NPAS2: variants seen among roughly 807,000 people sequenced by gnomAD.
NPAS2 encodes neuronal PAS domain protein 2.
A neutral mutation model predicts 107.5 loss-of-function variants in NPAS2; 23 were observed. The ratio of observed to expected loss-of-function variants is 0.21; its 90% CI spans 0.15 to 0.30. NPAS2 has a LOEUF of 0.30. Among genes scored for constraint, NPAS2 ranks in the 10% least tolerant of loss-of-function variants. NPAS2 has a pLI of 1.00. For synonymous variants in NPAS2, 403 were observed against 417.5 expected (o/e 0.97, Z 0.42); for missense variants, 756 against 1,043.3 (o/e 0.72, Z 3.79).
At chr2:100,859,453 A>G (rs1678797998) in intron 1 of NPAS2, among the ~76,000 whole-genome samples, 1 of 152,196 alleles carries the variant, frequency 6.6e-6, no homozygotes, top group South Asian at 2.1e-4. Flanking sequence ...TGGGCATTAA[A>G]TGGATAATCA....
intron 7 of NPAS2, among the ~76,000 whole-genome samples, chr2:100,963,265 C>T (rs2105145494): frequency 6.6e-6 from 1 of 152,342 alleles, no homozygotes; most frequent in Non-Finnish European, 1.5e-5. Flanking sequence ...GTCAATGATG[C>T]CGAGACACCC....
intron 5 of NPAS2, among the ~76,000 whole-genome samples, chr2:100,947,722 T>C (rs1185166899): frequency 6.6e-6 from 1 of 152,178 alleles, no homozygotes; most frequent in Non-Finnish European, 1.5e-5. Flanking sequence ...CTCTACCTTG[T>C]ATTTATTTTG....
rs371143741 is a variant in NPAS2 at position 100,974,883 on chromosome 2, G to A, written c.1221G>A (p.Ser407=). Residue 407 remains serine, a synonymous_variant, in exon 13 of 21, where the codon TCG becomes TCA. Coordinates refer to ENST00000335681, the MANE Select transcript of NPAS2 (RefSeq NM_002518.4). ...CCTCGGGCCTTAATACCAGTCATTC[G>A]CCATCGGCGTCCTCAAGAAGTTCCC... The part of the protein sequence containing the change: ...VGASGLNTSH[S]PSASSRSSHK... 8 of 1,613,902 alleles carry A rather than the reference G, an allele frequency of 5.0e-6. No homozygotes were observed. Among genetic ancestry groups the A allele is most frequent in the African/African-American group, 4.0e-5 (3 of 74,898 alleles).
At chr2:100,917,002 TG>T (rs1373123663) in intron 2 of NPAS2, among the ~76,000 whole-genome samples, 2 of 152,132 alleles carry the variant, frequency 1.3e-5, no homozygotes, top group Non-Finnish European at 2.9e-5. Context: ...TCAAAATTAG[TG>T]GGTTGCCGCT....
chr2:100,927,378 T>C (rs1683648656), intron 3 of NPAS2, among the ~76,000 whole-genome samples: 1 of 152,272 alleles, frequency 6.6e-6, no homozygotes, highest in Non-Finnish European at 1.5e-5. Context: ...CCATTCTTTT[T>C]CTAACTTTGT....
intron 1 of NPAS2, among the ~76,000 whole-genome samples, chr2:100,833,305 G>A (rs1676860158): frequency 6.6e-6 from 1 of 152,190 alleles, no homozygotes; most frequent in South Asian, 2.1e-4. Flanking sequence ...TTGATACTCA[G>A]GATGAGAATC....
chr2:100,915,710 G>A (rs769227197), intron 2 of NPAS2, among the ~76,000 whole-genome samples: 29 of 152,140 alleles, frequency 1.9e-4, no homozygotes, highest in Non-Finnish European at 3.7e-4. Context: ...ATATCCTTCA[G>A]GAATGAAGGT....
chr2:100,931,024 C>G lies in NPAS2; in HGVS notation c.182-1886C>G, dbSNP rs182382298. Among the ~76,000 whole-genome samples the G allele has an allele frequency of 4.1e-4, 63 of 152,364 alleles. 1 individual carries two copies. Among genetic ancestry groups the G allele is most frequent in the African/African-American group, 1.4e-3 (60 of 41,592 alleles). On this transcript the variant is annotated intron_variant, in intron 3 of 20. Coordinates refer to ENST00000335681, the MANE Select transcript of NPAS2 (RefSeq NM_002518.4). ...TAAGTGGTCGAACTGTGGCAACCAT[C>G]TGTTTGAAGAACTGGGAGTTGCACC...
chr2:100,979,316 A>C (rs113995587), intron 15 of NPAS2, among the ~76,000 whole-genome samples: 1,652 of 151,882 alleles, frequency 0.011, 13 homozygotes, highest in Non-Finnish European at 0.019. Flanking sequence ...TAACCTTTTA[A>C]TCCAAAGGGG....
At chr2:100,890,166 C>T (rs181213581) in intron 1 of NPAS2, among the ~76,000 whole-genome samples, 6 of 152,254 alleles carry the variant, frequency 3.9e-5, no homozygotes, top group South Asian at 2.1e-4. Context: ...AGCAAGGTCA[C>T]GTCTCTGAGG....
intron 1 of NPAS2, among the ~76,000 whole-genome samples, chr2:100,848,495 AT>A (rs1677931399): frequency 6.6e-6 from 1 of 152,312 alleles, no homozygotes; most frequent in South Asian, 2.1e-4. Flanking sequence ...TGAAAAGAGA[AT>A]TCCCAAAGCC....
chr2:100,945,425 C>T (rs531981939), intron 5 of NPAS2, among the ~76,000 whole-genome samples: 1 of 152,352 alleles, frequency 6.6e-6, no homozygotes, highest in South Asian at 2.1e-4. Flanking sequence ...GTCTGCTCCT[C>T]TCCACTCCTT....
chr2:100,826,408 C>T (rs1676383692), intron 1 of NPAS2, among the ~76,000 whole-genome samples: 1 of 152,128 alleles, frequency 6.6e-6, no homozygotes, highest in Non-Finnish European at 1.5e-5. Context: ...TGCCACTGCA[C>T]TCCAGCCTGG....
At chr2:100,830,236 T>A (rs1168866672) in intron 1 of NPAS2, among the ~76,000 whole-genome samples, 1 of 152,244 alleles carries the variant, frequency 6.6e-6, no homozygotes, top group African/African-American at 2.4e-5. Context: ...CTCTATTTTT[T>A]ATTAATTTTT....
At chr2:100,879,512 G>A (rs146164052) in intron 1 of NPAS2, among the ~76,000 whole-genome samples, 1 of 151,398 alleles carries the variant, frequency 6.6e-6, no homozygotes, top group African/African-American at 2.4e-5. Context: ...CCTTCCATCC[G>A]TCCCAAACCC....
chr2:100,975,348 G>T, intron 13 of NPAS2, 110 bp from the exon 14 acceptor site: 1 of 935,742 alleles, frequency 1.1e-6, no homozygotes, highest in Non-Finnish European at 1.6e-6. Context: ...CTTTATCAGA[G>T]ATCCCAAGCG....
intron 10 of NPAS2, among the ~76,000 whole-genome samples, chr2:100,966,838 C>T (rs974746971): frequency 5.9e-5 from 9 of 152,098 alleles, no homozygotes; most frequent in Non-Finnish European, 1.3e-4. Flanking sequence ...TTCAAATGAT[C>T]TGCTCACCTC....
At chr2:100,835,007 G>A (rs899611857) in intron 1 of NPAS2, among the ~76,000 whole-genome samples, 1 of 152,146 alleles carries the variant, frequency 6.6e-6, no homozygotes, top group East Asian at 1.9e-4. Context: ...GAGCCACTGC[G>A]CCTGGCCCCT....
chr2:100,957,905 G>A (rs1213379112), intron 7 of NPAS2, among the ~76,000 whole-genome samples: 1 of 152,200 alleles, frequency 6.6e-6, no homozygotes, highest in Non-Finnish European at 1.5e-5. Context: ...TCCAGCCTGG[G>A]CGACAGAGCG....
Sources: allele counts gnomAD v4.1 joint callset (sites outside exome capture counted in the v4.1 genomes callset), GRCh38; gene constraint gnomAD v4.1.1; transcripts MANE v1.5; gene names NCBI Gene and HGNC (gene_info 2026-07-23, HGNC 2026-07-21).